Variants in MECOM observed in about 807,000 individuals in gnomAD.
MECOM encodes the protein histone-lysine N-methyltransferase MECOM.
In MECOM, 13 loss-of-function variants were observed where a neutral mutation model predicts 116.3. The observed-to-expected ratio is 0.11, with a 90% CI of 0.07 to 0.18. The LOEUF (loss-of-function observed/expected upper bound fraction) is 0.18. Ranked by LOEUF, MECOM falls within the 10% of genes least tolerant of loss-of-function variation. MECOM has a pLI of 1.00. For missense variants in MECOM, 1,299 were observed against 1,509.0 expected, an observed-to-expected ratio of 0.86 and a Z score of 2.31; for synonymous variants, 528 against 535.2, an observed-to-expected ratio of 0.99 and a Z score of 0.19.
intron 1 of MECOM, among the ~76,000 whole-genome samples, chr3:169,595,642 G>T (rs961042455): frequency 6.6e-6 from 1 of 152,112 alleles, no homozygotes; most frequent in Admixed American, 6.6e-5. Context: ...ATTTACAGGG[G>T]TTGTCATAAA....
At chr3:169,273,145 A>G (rs1345992496) in intron 2 of MECOM, among the ~76,000 whole-genome samples, 5 of 152,156 alleles carry the variant, frequency 3.3e-5, no homozygotes, top group Non-Finnish European at 4.4e-5. Context: ...AGCTGCCCAC[A>G]TGCCGTTTTA....
intron 2 of MECOM, among the ~76,000 whole-genome samples, chr3:169,175,012 T>C (rs1744937041): frequency 1.3e-5 from 2 of 152,180 alleles, no homozygotes; most frequent in Admixed American, 1.3e-4. Flanking sequence ...ACCCATCTGG[T>C]ATAGAGAATA....
At chr3:169,448,541 T>G (rs922343542) in intron 1 of MECOM, among the ~76,000 whole-genome samples, 3 of 152,176 alleles carry the variant, frequency 2.0e-5, no homozygotes, top group African/African-American at 7.2e-5. Context: ...TTTGGGATAT[T>G]ATGGCAAGAG....
rs192574553 is a variant in MECOM, at chr3:169,224,180, G to C, written c.376-80348C>G. Reference sequence around the variant, plus strand: ...AATAATCTGAGAGGAGATAGAGAACGTCAGCTCCTGCTGGGCCCATTTCAA... The same window carrying C: ...AATAATCTGAGAGGAGATAGAGAACCTCAGCTCCTGCTGGGCCCATTTCAA... On this transcript the variant is annotated intron_variant, in intron 2 of 16. Coordinates refer to ENST00000651503, the MANE Select transcript of MECOM (RefSeq NM_004991.4). Among the ~76,000 whole-genome samples, 3 of 152,220 alleles carry C rather than the reference G, an allele frequency of 2.0e-5. No individual in the cohort carries two copies. The East Asian group carries it at 5.8e-4, about 29-fold the overall frequency.
At chr3:169,596,009 A>C (rs776904150) in intron 1 of MECOM, among the ~76,000 whole-genome samples, 4 of 152,242 alleles carry the variant, frequency 2.6e-5, no homozygotes, top group Non-Finnish European at 5.9e-5. Flanking sequence ...GTTTTGAAAA[A>C]TAATACAAGA....
rs140505285 is a variant in MECOM, at chr3:169,434,029, T to A, written c.38-52505A>T. Among the ~76,000 whole-genome samples the A allele has an allele frequency of 1.4e-4, 22 of 152,322 alleles. No individual in the cohort carries two copies. In the East Asian group the frequency reaches 4.2e-3, roughly 29 times the overall value. On this transcript the variant is annotated intron_variant, in intron 1 of 16. Coordinates refer to ENST00000651503, the MANE Select transcript of MECOM (RefSeq NM_004991.4). ...TCTTTAATTTTACCCATTCTCCAAG[T>A]GTCAAAACGTAATTGATAATTAAGA...
chr3:169,122,159 A>G (rs1731245678), intron 6 of MECOM, among the ~76,000 whole-genome samples: 3 of 152,204 alleles, frequency 2.0e-5, no homozygotes, highest in African/African-American at 7.2e-5. Flanking sequence ...ATCTGCAAAT[A>G]TAAGAGTCAC....
intron 2 of MECOM, among the ~76,000 whole-genome samples, chr3:169,288,669 T>C (rs1713862736): frequency 6.6e-6 from 1 of 152,120 alleles, no homozygotes; most frequent in African/African-American, 2.4e-5. Flanking sequence ...TGTTGTCTCA[T>C]GTAATCTGCT....
chr3:169,637,068 G>A (rs1012055649), intron 1 of MECOM, among the ~76,000 whole-genome samples: 2 of 152,282 alleles, frequency 1.3e-5, no homozygotes, highest in South Asian at 4.1e-4. Flanking sequence ...TGACTCCAAT[G>A]TTAGGTCATA....
chr3:169,154,949 C>T (rs1741727303), intron 2 of MECOM, among the ~76,000 whole-genome samples: 1 of 152,114 alleles, frequency 6.6e-6, no homozygotes, highest in African/African-American at 2.4e-5. Context: ...CTGTGCTTCT[C>T]TCCTGGTTTA....
At chr3:169,413,426 G>A (rs961571025) in intron 1 of MECOM, among the ~76,000 whole-genome samples, 1 of 151,878 alleles carries the variant, frequency 6.6e-6, no homozygotes, top group Admixed American at 6.6e-5. Flanking sequence ...AAACCTGGGG[G>A]GCCATTTGGG....
chr3:169,401,608 A>C (rs1735916628), intron 1 of MECOM, among the ~76,000 whole-genome samples: 1 of 152,160 alleles, frequency 6.6e-6, no homozygotes, highest in Non-Finnish European at 1.5e-5. Flanking sequence ...CTTAGGGTAG[A>C]AATGGCTAGG....
chr3:169,236,057 G>T (rs1286578640), intron 2 of MECOM, among the ~76,000 whole-genome samples: 1 of 152,142 alleles, frequency 6.6e-6, no homozygotes. Flanking sequence ...CCTCCAGTCA[G>T]CCACATGATC....
chr3:169,392,705 A>G (rs756275674), intron 1 of MECOM, among the ~76,000 whole-genome samples: 13 of 152,198 alleles, frequency 8.5e-5, no homozygotes, highest in Admixed American at 7.9e-4. Context: ...AGAGTTGAGT[A>G]TAAGTAATTC....
At chr3:169,256,950 A>T (rs543520707) in intron 2 of MECOM, among the ~76,000 whole-genome samples, 1 of 152,324 alleles carries the variant, frequency 6.6e-6, no homozygotes, top group Non-Finnish European at 1.5e-5. Context: ...AAGTTTTAGA[A>T]TAGGAAAGCT....
At chr3:169,297,279 C>T (rs1054816365) in intron 2 of MECOM, among the ~76,000 whole-genome samples, 2 of 152,156 alleles carry the variant, frequency 1.3e-5, no homozygotes, top group Non-Finnish European at 2.9e-5. Flanking sequence ...ATACTTGCTG[C>T]CTTAGCTCCT....
intron 1 of MECOM, among the ~76,000 whole-genome samples, chr3:169,541,050 T>C (rs765035585): frequency 3.3e-5 from 5 of 152,248 alleles, no homozygotes; most frequent in Admixed American, 2.0e-4. Flanking sequence ...TAAAAATAAA[T>C]GAACCAATCC....
chr3:169,193,455 T>C (rs1747986024), intron 2 of MECOM, among the ~76,000 whole-genome samples: 1 of 151,992 alleles, frequency 6.6e-6, no homozygotes, highest in South Asian at 2.1e-4. Flanking sequence ...TTCTGATCTT[T>C]GGATTTTTTT....
chr3:169,370,724 AG>A (rs1729946824), intron 2 of MECOM, among the ~76,000 whole-genome samples: 1 of 152,012 alleles, frequency 6.6e-6, no homozygotes, highest in Admixed American at 6.6e-5. Context: ...TATGGGAAAA[AG>A]GACCTGAATA....
Sources: gnomAD v4.1 joint callset for allele counts (sites outside exome capture counted in the v4.1 genomes callset) on GRCh38, gnomAD v4.1.1 for gene constraint, MANE v1.5 for transcripts, NCBI Gene and HGNC (gene_info 2026-07-23, HGNC 2026-07-21) for gene names.